The following NUDT16L1 variants were observed in gnomAD, a reference collection of about 807,000 sequenced individuals.
The protein encoded by NUDT16L1 is nudix hydrolase 16 like 1, also known as tudor-interacting repair regulator protein.
In NUDT16L1, 19 loss-of-function variants were observed where a neutral mutation model predicts 17.3. The observed-to-expected ratio is 1.10, with a 90% CI of 0.77 to 1.61. The LOEUF (loss-of-function observed/expected upper bound fraction) is 1.61. Ranked by LOEUF, NUDT16L1 falls within the 40% of genes most tolerant of loss-of-function variation. The probability of loss-of-function intolerance (pLI) is 0.00; values close to 1 mark genes in which losing one functional copy is unlikely to be tolerated. For missense variants in NUDT16L1, 341 were observed against 292.0 expected (o/e 1.17, Z -1.22); for synonymous variants, 255 against 138.6 (o/e 1.84, Z -5.90).
In NUDT16L1 at chr16:4,693,744, T is replaced by A. The variant is rs542673358; in HGVS notation, c.18T>A (p.Val6=). The A allele has an allele frequency of 5.2e-6, 8 of 1,545,682 alleles. No individual in the cohort carries two copies. In the South Asian group the frequency reaches 8.4e-5, roughly 16 times the overall value. Reference sequence around the variant, plus strand: ...GTGCCAAGATGTCGACGGCGGCGGTTCCGGAGCTGAAGCAGATCAGCCGGG... The same window carrying A: ...GTGCCAAGATGTCGACGGCGGCGGTACCGGAGCTGAAGCAGATCAGCCGGG... Residue 6 remains valine (V), a synonymous_variant, in exon 1 of 3, where the codon GTT becomes GTA. Transcript: ENST00000304301.
At chr16:4,694,688 G>C in intron 2 of NUDT16L1, 2 of 1,425,232 alleles carry the variant, frequency 1.4e-6, no homozygotes, top group Non-Finnish European at 1.8e-6. Context: ...GGTGGACGGG[G>C]GGAGCATGGG....
exon 3 of NUDT16L1, chr16:4,694,979 C>G: frequency 6.2e-7 from 1 of 1,610,860 alleles, no homozygotes; most frequent in Non-Finnish European, 8.5e-7. Context: ...CGTGCGGGTC[C>G]CGCTGTACAC....
chr16:4,694,324 A>G (rs1596329550), intron 2 of NUDT16L1, 86 bp downstream of exon 2: 3 of 1,301,982 alleles, frequency 2.3e-6, no homozygotes, highest in Non-Finnish European at 3.0e-6. Context: ...ACGTCTCCTG[A>G]GGGTCCCCTG....
At chr16:4,694,690 G>T in intron 2 of NUDT16L1, 1 of 1,422,434 alleles carries the variant, frequency 7.0e-7, no homozygotes, top group Non-Finnish European at 9.2e-7. Context: ...TGGACGGGGG[G>T]AGCATGGGGT....
At chr16:4,694,382 G>A (rs767353784) in intron 2 of NUDT16L1, 144 bp downstream of exon 2, 21 of 1,482,162 alleles carry the variant, frequency 1.4e-5, no homozygotes, top group South Asian at 1.3e-4. Flanking sequence ...GGTGGGGAGA[G>A]GGGTCTGGGG....
exon 1 of NUDT16L1, chr16:4,693,738 G>C: frequency 6.5e-7 from 1 of 1,539,958 alleles, no homozygotes; most frequent in Non-Finnish European, 8.7e-7. Flanking sequence ...TGTCGACGGC[G>C]GCGGTTCCGG....
chr16:4,693,724 A>G (rs1195389939), exon 1 of NUDT16L1: 4 of 1,524,292 alleles, frequency 2.6e-6, no homozygotes, highest in Non-Finnish European at 2.6e-6. Flanking sequence ...GGTCAGTGCC[A>G]AGATGTCGAC....
At chr16:4,694,750 G>C (rs2079500917) in intron 2 of NUDT16L1, 2 of 1,429,466 alleles carry the variant, frequency 1.4e-6, no homozygotes, top group Non-Finnish European at 1.8e-6. Context: ...GAGTGCATGG[G>C]GTCAGCCTCC....
At chr16:4,694,934 A>T (rs745830200) in intron 2 of NUDT16L1, 24 bp from the exon 3 acceptor site, 1 of 1,590,998 alleles carries the variant, frequency 6.3e-7, no homozygotes, top group South Asian at 1.1e-5. Context: ...GCCTGGCCCC[A>T]ACCCCTACCT....
exon 3 of NUDT16L1, chr16:4,695,001 G>C (rs1041062402): frequency 1.2e-6 from 2 of 1,612,336 alleles, no homozygotes; most frequent in South Asian, 1.1e-5. Context: ...CAGAAGGACC[G>C]AGTCGGAGGC....
intron 2 of NUDT16L1, chr16:4,694,565 T>C: frequency 6.9e-7 from 1 of 1,451,320 alleles, no homozygotes; most frequent in Non-Finnish European, 9.1e-7. Context: ...GTTGGGAAAC[T>C]TGAGCACAGC....
rs2142005380 is a variant in NUDT16L1 at position 4,694,674 on chromosome 16, G to C, written c.415-284G>C. On this transcript the variant is annotated intron_variant, in intron 2 of 2. Coordinates refer to ENST00000304301, the Ensembl canonical transcript of NUDT16L1. Reference sequence around the variant, plus strand: ...GCTGGACTGCGGGTGTTCAGGCTTCGTTGGGTGGACGGGGGGAGCATGGGG... The same window carrying C: ...GCTGGACTGCGGGTGTTCAGGCTTCCTTGGGTGGACGGGGGGAGCATGGGG... 5 of 1,417,210 alleles carry C rather than the reference G, an allele frequency of 3.5e-6. No homozygotes were observed. The South Asian group carries it at 8.0e-5, about 23-fold the overall frequency. 87.8% of individuals were successfully genotyped at this position (1,417,210 alleles called of 1,614,324 possible). A position where few individuals can be genotyped will look rare whatever the true frequency, so the allele number is the denominator to read the frequency against.
chr16:4,695,340 G>A, exon 3 of NUDT16L1: 1 of 735,568 alleles, frequency 1.4e-6, no homozygotes, highest in South Asian at 1.8e-5. Context: ...CTAGGTGGCG[G>A]CCGGGCCAGC....
At position 4,694,901 on chromosome 16, in the gene NUDT16L1, C is replaced by G. The variant is rs1167418858; in HGVS notation, c.415-57C>G. 3 of 1,547,690 alleles carry G rather than the reference C, an allele frequency of 1.9e-6. No individual in the cohort carries two copies. In the African/African-American group the frequency reaches 4.1e-5, roughly 21 times the overall value. On this transcript the variant is annotated intron_variant, in intron 2 of 2. Coordinates refer to ENST00000304301, the Ensembl canonical transcript of NUDT16L1. Reference sequence around the variant, plus strand: ...CCTCATAGCTTCCAGGCCCCTCCTGCTGGAGGTGCCATTGTGTGGCAGGCC... The same window carrying G: ...CCTCATAGCTTCCAGGCCCCTCCTGGTGGAGGTGCCATTGTGTGGCAGGCC...
At chr16:4,694,569 G>T (rs1466050570) in intron 2 of NUDT16L1, 2 of 1,450,160 alleles carry the variant, frequency 1.4e-6, no homozygotes, top group Non-Finnish European at 1.8e-6. Context: ...GGAAACTTGA[G>T]CACAGCGGGG....
chr16:4,694,992 A>G, exon 3 of NUDT16L1: 1 of 1,611,906 alleles, frequency 6.2e-7, no homozygotes, highest in Non-Finnish European at 8.5e-7. Context: ...CTGTACACCC[A>G]GAAGGACCGA....
At chr16:4,695,617 T>C (rs563521138) in exon 3 of NUDT16L1, 5 of 421,216 alleles carry the variant, frequency 1.2e-5, no homozygotes, top group African/African-American at 4.1e-5. Context: ...GTTCAGGGCC[T>C]GGGGGAGAGC....
At chr16:4,695,518 G>T (rs532695068) in exon 3 of NUDT16L1, 1 of 543,412 alleles carries the variant, frequency 1.8e-6, no homozygotes, top group South Asian at 2.7e-5. Flanking sequence ...CAGGGGTGGC[G>T]CACAGCTCTG....
At chr16:4,694,602 T>C in intron 2 of NUDT16L1, 1 of 1,430,314 alleles carries the variant, frequency 7.0e-7, no homozygotes. Flanking sequence ...GGGAACCTCA[T>C]GTTGGGCGTG....
Sources: gnomAD v4.1 joint callset for allele counts on GRCh38, gnomAD v4.1.1 for gene constraint, MANE v1.5 for transcripts, NCBI Gene and HGNC (gene_info 2026-07-23, HGNC 2026-07-21) for gene names.